Variants in RAB38 observed in about 807,000 individuals in gnomAD.
RAB38 encodes the protein RAB38, member RAS oncogene family.
Under a neutral mutation model 18.4 loss-of-function variants are expected in RAB38, and 15 were observed. That is an observed-to-expected ratio of 0.82 (90% CI 0.55 to 1.26). RAB38 has a LOEUF of 1.26. RAB38 is among the 50% of genes most tolerant of loss of function. The pLI, the probability that RAB38 is intolerant of heterozygous loss-of-function variation, is 0.00. For missense variants in RAB38, 294 were observed against 267.4 expected (o/e 1.10, Z -0.69); for synonymous variants, 101 against 104.4 (o/e 0.97, Z 0.20).
the RAB38 span, among the ~76,000 whole-genome samples, chr11:88,004,324 T>G: frequency 1.3e-5 from 2 of 151,062 alleles, no homozygotes; most frequent in East Asian, 3.9e-4. Context: ...AATGCAAGTT[T>G]GATATAACTT....
the RAB38 span, among the ~76,000 whole-genome samples, chr11:87,952,582 G>A: frequency 1.3e-5 from 2 of 152,170 alleles, no homozygotes. Context: ...GAGGAACACA[G>A]CTAAATGACA....
At chr11:87,940,978 A>C in the RAB38 span, among the ~76,000 whole-genome samples, 4 of 149,950 alleles carry the variant, frequency 2.7e-5, no homozygotes, top group Non-Finnish European at 5.9e-5. Flanking sequence ...TTTGCTGAAC[A>C]CTCCTTTGGT....
chr11:88,125,921 T>C (rs554607470), intron 2 of RAB38, among the ~76,000 whole-genome samples: 1 of 152,180 alleles, frequency 6.6e-6, no homozygotes, highest in South Asian at 2.1e-4. Context: ...TCCAGTTTCA[T>C]CTTTCTACAT....
At chr11:88,041,401 T>C in the RAB38 span, among the ~76,000 whole-genome samples, 1 of 152,226 alleles carries the variant, frequency 6.6e-6, no homozygotes, top group Non-Finnish European at 1.5e-5. Flanking sequence ...TTTTGTTAAA[T>C]AATAATTAGA....
chr11:88,097,666 C>G, the RAB38 span, among the ~76,000 whole-genome samples: 1 of 151,812 alleles, frequency 6.6e-6, no homozygotes. Context: ...TCCTTCATCC[C>G]TTAATTTCCT....
chr11:87,878,332 CATCT>C, the RAB38 span, among the ~76,000 whole-genome samples: 3 of 148,626 alleles, frequency 2.0e-5, no homozygotes, highest in South Asian at 2.1e-4. Flanking sequence ...ATCAATCTAT[CATCT>C]ATCTATCTAT....
the RAB38 span, among the ~76,000 whole-genome samples, chr11:87,970,034 C>T: frequency 2.0e-5 from 3 of 151,806 alleles, no homozygotes; most frequent in Admixed American, 1.3e-4. Context: ...AGACCAATGA[C>T]GGCAGAATCA....
At chr11:87,827,965 G>A in the RAB38 span, among the ~76,000 whole-genome samples, 17 of 152,106 alleles carry the variant, frequency 1.1e-4, no homozygotes, top group African/African-American at 4.1e-4. Context: ...GAACATTAGT[G>A]GAAAACTGGT....
At chr11:87,953,264 G>A in the RAB38 span, among the ~76,000 whole-genome samples, 1 of 152,134 alleles carries the variant, frequency 6.6e-6, no homozygotes, top group Admixed American at 6.6e-5. Flanking sequence ...TGTGTAAAGG[G>A]GGTTGTAGGC....
At chr11:88,098,852 C>A in the RAB38 span, 1 of 151,916 alleles carries the variant, frequency 6.6e-6, no homozygotes, top group African/African-American at 2.4e-5. Flanking sequence ...TACAGAAAAA[C>A]CAAACAAACC....
chr11:87,884,125 T>A, the RAB38 span, among the ~76,000 whole-genome samples: 1 of 151,950 alleles, frequency 6.6e-6, no homozygotes, highest in African/African-American at 2.4e-5. Context: ...ATGGTCTCTA[T>A]AAACCATCAT....
At chr11:87,847,598 G>A in the RAB38 span, among the ~76,000 whole-genome samples, 3 of 152,080 alleles carry the variant, frequency 2.0e-5, no homozygotes, top group Admixed American at 6.6e-5. Context: ...TTCCCTTGGG[G>A]ACATCACTGC....
At chr11:87,828,295 C>G in the RAB38 span, among the ~76,000 whole-genome samples, 75 of 152,208 alleles carry the variant, frequency 4.9e-4, no homozygotes, top group African/African-American at 1.4e-3. Flanking sequence ...CTTGCTTAGA[C>G]TATCAAGAAT....
intron 1 of RAB38, among the ~76,000 whole-genome samples, chr11:88,162,245 C>A (rs1288366382): frequency 1.3e-5 from 2 of 152,092 alleles, no homozygotes; most frequent in African/African-American, 4.8e-5. Flanking sequence ...AAACCAATGA[C>A]AGAAACATAT....
At chr11:87,882,915 A>G in the RAB38 span, among the ~76,000 whole-genome samples, 3 of 151,896 alleles carry the variant, frequency 2.0e-5, no homozygotes, top group Non-Finnish European at 4.4e-5. Context: ...AGAATGTACC[A>G]TGTTTTCCCC....
chr11:87,946,564 C>T, the RAB38 span, among the ~76,000 whole-genome samples: 23 of 151,992 alleles, frequency 1.5e-4, no homozygotes, highest in African/African-American at 2.7e-4. Context: ...CAACAGTCCC[C>T]GGTGTGTGAT....
At chr11:87,976,515 AT>A in the RAB38 span, among the ~76,000 whole-genome samples, 1 of 154 alleles carries the variant, frequency 6.5e-3, no homozygotes, top group Non-Finnish European at 0.014. Flanking sequence ...TAATATATTT[AT>A]ATTTTATATA....
chr11:88,125,955 C>G (rs1371519604), intron 2 of RAB38, among the ~76,000 whole-genome samples: 1 of 152,182 alleles, frequency 6.6e-6, no homozygotes, highest in African/African-American at 2.4e-5. Flanking sequence ...TTTCCCAGCA[C>G]CATTTATTAA....
At chr11:88,034,575 A>T in the RAB38 span, among the ~76,000 whole-genome samples, 1 of 152,148 alleles carries the variant, frequency 6.6e-6, no homozygotes, top group East Asian at 1.9e-4. Flanking sequence ...TTGTAGTTTA[A>T]ATTTGCATGT....
Sources: allele counts gnomAD v4.1 joint callset (sites outside exome capture counted in the v4.1 genomes callset), GRCh38; gene constraint gnomAD v4.1.1; transcripts MANE v1.5; gene names NCBI Gene and HGNC (gene_info 2026-07-23, HGNC 2026-07-21).